Variants in AASDH observed in about 807,000 individuals in gnomAD.
AASDH encodes the protein beta-alanine-activating enzyme.
In AASDH, 81 loss-of-function variants were observed where a neutral mutation model predicts 102.3. The ratio of observed to expected loss-of-function variants is 0.79; its 90% CI spans 0.66 to 0.95. The LOEUF is 0.95. AASDH is among the 40% of genes least tolerant of loss of function. AASDH has a pLI of 0.00. For missense variants in AASDH, 1,203 were observed against 1,266.2 expected (o/e 0.95, Z 0.76); for synonymous variants, 398 against 454.0 (o/e 0.88, Z 1.57).
At chr4:56,350,141 TGA>T in intron 10 of AASDH, 83 bp from the exon 11 acceptor site, 1 of 1,126,070 alleles carries the variant, frequency 8.9e-7, no homozygotes, top group Non-Finnish European at 1.2e-6. Context: ...TATATAGAGA[TGA>T]GAGTACCTAC....
rs549607750 is a variant in AASDH, at chr4:56,377,969, T to G, written c.668+179A>C. On this transcript the variant is annotated intron_variant, in intron 4 of 14. Transcript: ENST00000205214. ...ACAGGCACCCACCAACACGCCTGGCTGATTTTTGTATTTTTTCAGTAGAGA... is the reference window on the plus strand; with the variant it reads ...ACAGGCACCCACCAACACGCCTGGCGGATTTTTGTATTTTTTCAGTAGAGA... 3.9e-5 allele frequency among the ~76,000 whole-genome samples: 6 copies of G among 152,238 alleles called. No individual in the cohort carries two copies. The East Asian group carries it at 1.2e-3, about 29-fold the overall frequency.
intron 14 of AASDH, 89 bp downstream of exon 14, chr4:56,342,746 T>C: frequency 8.4e-6 from 4 of 474,506 alleles, no homozygotes; most frequent in Non-Finnish European, 1.2e-5. Context: ...AATAGAACTA[T>C]AGATATATAA....
intron 11 of AASDH, 84 bp from the exon 12 acceptor site, chr4:56,345,374 T>C: frequency 1.6e-6 from 2 of 1,289,722 alleles, no homozygotes; most frequent in South Asian, 1.4e-5. Context: ...CAATTTATAT[T>C]CAGTCCTCCT....
rs538320593 is a variant in AASDH at position 56,350,022 on chromosome 4, G to A, written c.1729C>T (p.Pro577Ser). ...LNLPEDLLRV[P>S]DESLFLNSGG... ...CTATTTAAGAAGAGTGACTCATCAG[G>A]AACCCTCAAAAGATCTTCTGGGAGA... Residue 577 changes from proline to serine, a missense_variant, in exon 11 of 15, where the codon CCT becomes TCT. Physicochemically the swap from Pro to Ser is moderately conservative, Grantham distance 74. Coordinates refer to ENST00000205214, the MANE Select transcript of AASDH (RefSeq NM_181806.4). 2.7e-5 allele frequency: 43 copies of A among 1,603,124 alleles called. 1 individual carries two copies. The South Asian group carries it at 4.2e-4, about 16-fold the overall frequency.
chr4:56,379,505 A>G (rs1394839230), intron 3 of AASDH, among the ~76,000 whole-genome samples: 2 of 151,994 alleles, frequency 1.3e-5, no homozygotes, highest in Admixed American at 6.6e-5. Flanking sequence ...TTACTCATTC[A>G]ACATGACGTT....
At chr4:56,355,050 C>T in intron 6 of AASDH, 132 bp downstream of exon 6, 2 of 1,193,666 alleles carry the variant, frequency 1.7e-6, no homozygotes, top group South Asian at 3.4e-5. Flanking sequence ...GTTCTGGATT[C>T]CCAACTTAAA....
chr4:56,369,899 C>A (rs1235193469), intron 5 of AASDH, among the ~76,000 whole-genome samples: 1 of 150,610 alleles, frequency 6.6e-6, no homozygotes. Context: ...GAGGTCATAC[C>A]ACTGTACTCC....
chr4:56,349,824 C>A lies in AASDH; in HGVS notation c.1927G>T (p.Ala643Ser), dbSNP rs151197679. The A allele has an allele frequency of 1.1e-5, 17 of 1,614,136 alleles. No homozygotes were observed. The African/African-American group carries it at 2.1e-4, about 20-fold the overall frequency. ...DEDVTFRKSC[A>S]TKRKLSDINQ... is the part of the protein sequence containing the mutation. ...ATGTCGCTGAGTTTCCTTTTTGTGG[C>A]ACAACTCTTCCTGAATGTCACATCT... The change falls in exon 11 of 15, where the codon GCC (alanine) becomes TCC (serine). Residue 643 changes from alanine (A) to serine (S), a missense_variant. Transcript: ENST00000205214.
chr4:56,355,539 T>C, intron 5 of AASDH, 116 bp from the exon 6 acceptor site: 1 of 951,738 alleles, frequency 1.1e-6, no homozygotes, highest in Non-Finnish European at 1.5e-6. Flanking sequence ...GAAGGCTGTG[T>C]TTATCAAATG....
chr4:56,349,126 G>T, intron 11 of AASDH, 137 bp downstream of exon 11: 1 of 910,454 alleles, frequency 1.1e-6, no homozygotes, highest in Non-Finnish European at 1.6e-6. Context: ...ATATTAATCA[G>T]CACAGGGTTA....
intron 10 of AASDH, 81 bp downstream of exon 10, chr4:56,351,261 C>A: frequency 1.2e-6 from 1 of 845,968 alleles, no homozygotes; most frequent in Non-Finnish European, 1.8e-6. Flanking sequence ...AAATTTTATC[C>A]AACTTGTTAG....
intron 5 of AASDH, among the ~76,000 whole-genome samples, chr4:56,358,224 T>C (rs1438564954): frequency 6.6e-6 from 1 of 151,992 alleles, no homozygotes; most frequent in Admixed American, 6.6e-5. Context: ...AACTTTATTA[T>C]TTCTAGTAGT....
At chr4:56,344,936 CTTTCT>C (rs1263539708) in intron 12 of AASDH, among the ~76,000 whole-genome samples, 186 bp downstream of exon 12, 18 of 133,720 alleles carry the variant, frequency 1.3e-4, no homozygotes, top group African/African-American at 3.3e-4. Context: ...GGTGAATTTT[CTTTCT>C]TTTTTTTTTT....
intron 5 of AASDH, among the ~76,000 whole-genome samples, chr4:56,358,454 A>C (rs1314991478): frequency 1.3e-5 from 2 of 149,358 alleles, no homozygotes; most frequent in East Asian, 3.9e-4. Context: ...GTCTTTTATC[A>C]AGTATGGCGT....
At position 56,353,371 on chromosome 4, in the gene AASDH, G is replaced by T. The variant is rs776576434; in HGVS notation, c.1576+33C>A. ...TTATGAATACAATTAGTATTATTTG[G>T]CACTGAAACATATCTGCTTTAAATT... On this transcript the variant is annotated intron_variant, in intron 9 of 14. Coordinates refer to ENST00000205214, the MANE Select transcript of AASDH (RefSeq NM_181806.4). 9 of 1,500,052 alleles carry T rather than the reference G, an allele frequency of 6.0e-6. No homozygotes were observed. The East Asian group carries it at 1.6e-4, about 27-fold the overall frequency. The allele number at this position is 1,500,052 out of a possible 1,614,324, so 92.9% of individuals were successfully genotyped here. A position where few individuals can be genotyped will look rare whatever the true frequency, so the allele number is the denominator to read the frequency against.
At chr4:56,365,917 C>T (rs910686064) in intron 5 of AASDH, among the ~76,000 whole-genome samples, 123 of 152,026 alleles carry the variant, frequency 8.1e-4, no homozygotes, top group Non-Finnish European at 1.4e-3. Context: ...TTCAAAAAAT[C>T]AATGAATCCA....
intron 3 of AASDH, chr4:56,381,838 G>A (rs2110008128): frequency 6.6e-6 from 1 of 152,150 alleles, no homozygotes; most frequent in East Asian, 1.9e-4. Flanking sequence ...AATGAAGCAT[G>A]GGCTGCATCT....
At chr4:56,364,242 T>A (rs143489509) in intron 5 of AASDH, among the ~76,000 whole-genome samples, 2,442 of 152,264 alleles carry the variant, frequency 0.016, 76 homozygotes, top group African/African-American at 0.055. Flanking sequence ...CTACGTCTGA[T>A]TGGTGTACCT....
intron 6 of AASDH, 60 bp from the exon 7 acceptor site, chr4:56,354,871 A>G: frequency 7.5e-7 from 1 of 1,325,944 alleles, no homozygotes; most frequent in Non-Finnish European, 1.1e-6. Context: ...ATATTTTCCA[A>G]TATATTTAAA....
Sources: allele counts gnomAD v4.1 joint callset (sites outside exome capture counted in the v4.1 genomes callset), GRCh38; gene constraint gnomAD v4.1.1; transcripts MANE v1.5; gene names NCBI Gene and HGNC (gene_info 2026-07-23, HGNC 2026-07-21).